The following CRNKL1 variants were observed in gnomAD, a reference collection of about 807,000 sequenced individuals.
CRNKL1 encodes crooked neck-like protein 1.
Under a neutral mutation model 103.7 loss-of-function variants are expected in CRNKL1, and 35 were observed. The observed-to-expected ratio is 0.34, with a 90% CI of 0.26 to 0.45. The LOEUF is 0.45. CRNKL1 is among the 20% of genes least tolerant of loss of function. The pLI is 1.00. For synonymous variants in CRNKL1, 267 were observed against 282.6 expected (o/e 0.94, Z 0.55); for missense variants, 645 against 836.0 (o/e 0.77, Z 2.82).
intron 11 of CRNKL1, chr20:20,038,723 A>G (rs917968447): frequency 6.8e-6 from 2 of 295,768 alleles, no homozygotes; most frequent in Non-Finnish European, 1.2e-5. Flanking sequence ...TCAAGAGCTG[A>G]GAAACTTGCC....
chr20:20,040,853 A>G (rs1445938002), intron 9 of CRNKL1, 87 bp from the exon 10 acceptor site: 3 of 918,938 alleles, frequency 3.3e-6, no homozygotes, highest in Non-Finnish European at 5.1e-6. Context: ...AACCAAAGCC[A>G]TTGGTAATTC....
At chr20:20,047,409 C>G (rs1416634669) in intron 5 of CRNKL1, among the ~76,000 whole-genome samples, 1 of 152,156 alleles carries the variant, frequency 6.6e-6, no homozygotes, top group Non-Finnish European at 1.5e-5. Context: ...GCATAGGTTA[C>G]ATGCAAATAC....
At chr20:20,036,725 C>T (rs746774336) in intron 13 of CRNKL1, among the ~76,000 whole-genome samples, 4 of 152,210 alleles carry the variant, frequency 2.6e-5, no homozygotes, top group Non-Finnish European at 5.9e-5. Context: ...CATTATTATT[C>T]CAACTCCCTA....
At chr20:20,052,787 A>T (rs1294094653), upstream of CRNKL1, 3 of 1,461,170 alleles carry the variant, frequency 2.1e-6, no homozygotes, top group Non-Finnish European at 2.8e-6. Context: ...AGGGAGAGCG[A>T]GGAAACTACC....
At chr20:20,049,089 G>T (rs2043641794) in intron 3 of CRNKL1, among the ~76,000 whole-genome samples, 1 of 149,844 alleles carries the variant, frequency 6.7e-6, no homozygotes. Context: ...CAAAGCAAAT[G>T]AAATTGTGCT....
upstream of CRNKL1, among the ~76,000 whole-genome samples, chr20:20,053,570 T>A (rs946485579): frequency 3.9e-5 from 6 of 152,212 alleles, no homozygotes; most frequent in Admixed American, 1.3e-4. Context: ...TTTTGGTGTT[T>A]GGGGAAAATA....
At chr20:20,049,522 TATTC>T (rs1385715130) in intron 2 of CRNKL1, 91 bp from the exon 3 acceptor site, 37 of 660,828 alleles carry the variant, frequency 5.6e-5, no homozygotes, top group African/African-American at 4.9e-4. Flanking sequence ...CTAAAATGGT[TATTC>T]ATTTTGTTCA....
chr20:20,043,385 G>C (rs190907699), intron 7 of CRNKL1, 107 bp downstream of exon 7: 1 of 1,074,670 alleles, frequency 9.3e-7, no homozygotes, highest in Admixed American at 2.1e-5. Context: ...ATCATCACGA[G>C]AGTAATCACT....
intron 1 of CRNKL1, among the ~76,000 whole-genome samples, chr20:20,051,307 T>A (rs1473156104): frequency 6.6e-6 from 1 of 152,252 alleles, no homozygotes; most frequent in Non-Finnish European, 1.5e-5. Context: ...TGATAATATT[T>A]TGGATACATT....
rs372098197 is a variant in CRNKL1 at position 20,036,096 on chromosome 20, A to G, written c.*99T>C. 31 of 1,245,198 alleles carry G rather than the reference A, an allele frequency of 2.5e-5. 1 individual carries two copies. The highest frequency in any genetic ancestry group is 2.0e-4 in the East Asian group (8 of 40,504). 77.1% of individuals were successfully genotyped at this position (1,245,198 alleles called of 1,614,324 possible). A position where few individuals can be genotyped will look rare whatever the true frequency, so the allele number is the denominator to read the frequency against. On this transcript the variant is annotated 3_prime_UTR_variant, in exon 14 of 14. Coordinates refer to ENST00000536226, the MANE Select transcript of CRNKL1 (RefSeq NM_001278628.2). The stretch of plus-strand genomic sequence containing the variant: ...AAGTAGCCATCAAAGATACCAATCA[A>G]TTTCTTACTGGTGAAATATATAAGA...
intron 1 of CRNKL1, among the ~76,000 whole-genome samples, chr20:20,051,089 C>T (rs959158058): frequency 3.3e-5 from 5 of 152,172 alleles, no homozygotes; most frequent in Non-Finnish European, 7.4e-5. Flanking sequence ...AAGTTCTCAT[C>T]ATTAGACTGT....
rs775295670 is a variant in CRNKL1 at position 20,037,318 on chromosome 20, C to T, written c.1896+5G>A. ...AGATGAACAGTCCCAGGGCAGAGTT[C>T]TTACCCCATCATCAGTCTGGACCTT... On this transcript the variant is annotated splice_donor_5th_base_variant and intron_variant, in intron 13 of 13. Coordinates refer to ENST00000536226, the MANE Select transcript of CRNKL1 (RefSeq NM_001278628.2). The T allele has an allele frequency of 6.2e-7, 1 of 1,613,318 alleles. No homozygotes were observed. Among genetic ancestry groups the T allele is most frequent in the Admixed American group, 1.7e-5 (1 of 59,944 alleles).
At chr20:20,051,254 T>A (rs1416255598) in intron 1 of CRNKL1, among the ~76,000 whole-genome samples, 1 of 152,214 alleles carries the variant, frequency 6.6e-6, no homozygotes, top group East Asian at 1.9e-4. Context: ...TAAAAAAGAA[T>A]AAACTACCTC....
Position 20,047,875 on chromosome 20 carries a change from A to G in CRNKL1, c.512T>C (p.Val171Ala). ...MLGNVAGARQ[V>A]FERWMEWQPE... ...CTGCCACTCCATCCAGCGCTCAAAC[A>G]CCTGCCGGGCACCGGCAACGTTTCC... The change falls in exon 5 of 14, where the codon GTG (valine) becomes GCG (alanine). Residue 171 changes from valine to alanine, a missense_variant. Physicochemically the swap from Val to Ala is moderately conservative, Grantham distance 64 (BLOSUM62 0). Around this residue, in one of 2 missense-constraint regions of CRNKL1, gnomAD observed 582 missense variants for 707.7 expected, o/e 0.82. Coordinates refer to ENST00000536226, the MANE Select transcript of CRNKL1 (RefSeq NM_001278628.2). 1 of 1,614,162 alleles carries G rather than the reference A, an allele frequency of 6.2e-7. No homozygotes were observed. The highest frequency in any genetic ancestry group is 8.5e-7 in the Non-Finnish European group (1 of 1,180,032).
In CRNKL1 at chr20:20,048,415, T is replaced by G; in HGVS notation, c.383A>C (p.Asn128Thr). 1 of 1,614,202 alleles carries G rather than the reference T, an allele frequency of 6.2e-7. No individual in the cohort carries two copies. The highest frequency in any genetic ancestry group is 8.5e-7 in the Non-Finnish European group (1 of 1,180,034). ...WLKYAEMEMKNRQVNHARNIW... is the reference protein window; with the variant it reads ...WLKYAEMEMKTRQVNHARNIW... ...ATTTCGAGCATGGTTGACTTGGCGATTCTTCATTTCCATTTCTGCGTATTT... is the reference window on the plus strand; with the variant it reads ...ATTTCGAGCATGGTTGACTTGGCGAGTCTTCATTTCCATTTCTGCGTATTT... The change falls in exon 4 of 14, where the codon AAT becomes ACT. Residue 128 changes from asparagine (N) to threonine (T), a missense_variant. Physicochemically the swap from Asn to Thr is moderately conservative, Grantham distance 65. Transcript: ENST00000536226.
rs761009151 is a variant in CRNKL1 at position 20,039,728 on chromosome 20, G to A, written c.1426C>T (p.Pro476Ser). Residue 476 changes from proline to serine, a missense_variant, in exon 11 of 14, where the codon CCT (proline) becomes TCT (serine). Pro to Ser is a moderately conservative substitution (Grantham distance 74). Transcript: ENST00000536226. Reference sequence around the variant, plus strand: ...TTAATCCATGAGGTACAATTTTCAGGTCCAAATTCCAGGAACTTTTCATAA... The same window carrying A: ...TTAATCCATGAGGTACAATTTTCAGATCCAAATTCCAGGAACTTTTCATAA... ...KLYEKFLEFG[P>S]ENCTSWIKFA... The A allele has an allele frequency of 1.2e-6, 2 of 1,614,178 alleles. No homozygotes were observed. The highest frequency in any genetic ancestry group is 1.7e-6 in the Non-Finnish European group (2 of 1,180,034).
intron 9 of CRNKL1, among the ~76,000 whole-genome samples, chr20:20,041,035 G>A (rs573331071): frequency 2.6e-5 from 4 of 152,316 alleles, no homozygotes; most frequent in African/African-American, 9.6e-5. Flanking sequence ...GTACTGTACT[G>A]TATGGCACGG....
At chr20:20,052,598 A>G (rs2273057), upstream of CRNKL1, 1 of 1,613,380 alleles carries the variant, frequency 6.2e-7, no homozygotes, top group African/African-American at 1.3e-5. Context: ...TGAGGTGGGT[A>G]ACGCCGTGCT....
intron 3 of CRNKL1, among the ~76,000 whole-genome samples, chr20:20,048,790 T>C (rs756356355): frequency 1.3e-5 from 2 of 152,134 alleles, no homozygotes; most frequent in Non-Finnish European, 2.9e-5. Flanking sequence ...TAGTAGGTAA[T>C]TGTAGAAATG....
Sources: gnomAD v4.1 joint callset for allele counts (sites outside exome capture counted in the v4.1 genomes callset) on GRCh38, gnomAD v4.1.1 for gene constraint, gnomAD v4.1.1 regional missense constraint, MANE v1.5 for transcripts, NCBI Gene and HGNC (gene_info 2026-07-23, HGNC 2026-07-21) for gene names.